The following TAFA1 variants were observed in gnomAD, a reference collection of about 807,000 sequenced individuals.
The protein encoded by TAFA1 is TAFA chemokine like family member 1.
Under a neutral mutation model 18.5 loss-of-function variants are expected in TAFA1, and 4 were observed. The observed-to-expected ratio is 0.22, with a 90% CI of 0.11 to 0.49. The LOEUF (loss-of-function observed/expected upper bound fraction) is 0.49, where lower values mean the gene tolerates loss of function less well. Among genes scored for constraint, TAFA1 ranks in the 20% least tolerant of loss-of-function variants. The pLI is 0.98. For missense variants in TAFA1, 147 were observed against 169.0 expected, an observed-to-expected ratio of 0.87 and a Z score of 0.72; for synonymous variants, 56 against 55.2, an observed-to-expected ratio of 1.01 and a Z score of -0.06.
At chr3:68,184,403 T>C (rs955879397) in intron 2 of TAFA1, among the ~76,000 whole-genome samples, 3 of 152,128 alleles carry the variant, frequency 2.0e-5, no homozygotes, top group Admixed American at 1.3e-4. Context: ...TTGGAAACAC[T>C]GTGGCTAGAA....
At chr3:68,472,338 G>T (rs1385014799) in intron 3 of TAFA1, among the ~76,000 whole-genome samples, 1 of 152,154 alleles carries the variant, frequency 6.6e-6, no homozygotes, top group Non-Finnish European at 1.5e-5. Flanking sequence ...CTTCAGCCAT[G>T]ATTGTGAGGC....
At chr3:68,491,067 A>G (rs13068529) in intron 3 of TAFA1, among the ~76,000 whole-genome samples, 29,418 of 151,998 alleles carry the variant, frequency 0.19, 2,972 homozygotes, top group Non-Finnish European at 0.21. Context: ...TTAAACTCCC[A>G]GGCTCAAGCG....
At chr3:68,505,242 T>G (rs2072726945) in intron 3 of TAFA1, among the ~76,000 whole-genome samples, 1 of 152,266 alleles carries the variant, frequency 6.6e-6, no homozygotes, top group African/African-American at 2.4e-5. Flanking sequence ...TACAAACTAC[T>G]GTCCTGGGAA....
intron 2 of TAFA1, among the ~76,000 whole-genome samples, chr3:68,366,828 A>G (rs767985046): frequency 9.2e-5 from 14 of 152,218 alleles, no homozygotes; most frequent in Non-Finnish European, 1.6e-4. Flanking sequence ...CAATAAACAG[A>G]ACTCACATTT....
chr3:68,148,276 G>A (rs569125374), intron 2 of TAFA1, among the ~76,000 whole-genome samples: 1 of 152,222 alleles, frequency 6.6e-6, no homozygotes, highest in South Asian at 2.1e-4. Context: ...TGAACTATTT[G>A]ACGTAGCATA....
intron 2 of TAFA1, among the ~76,000 whole-genome samples, chr3:68,173,504 C>A (rs1261251226): frequency 6.6e-6 from 1 of 152,134 alleles, no homozygotes; most frequent in Non-Finnish European, 1.5e-5. Flanking sequence ...GCCACACATA[C>A]ACGAATTGGA....
intron 2 of TAFA1, among the ~76,000 whole-genome samples, chr3:68,287,369 G>C (rs2068028449): frequency 6.6e-6 from 1 of 152,176 alleles, no homozygotes. Flanking sequence ...AATGTCAGCT[G>C]TTCTGCTCTG....
chr3:68,059,270 GCA>G (rs71902636), intron 2 of TAFA1, among the ~76,000 whole-genome samples: 3,633 of 149,688 alleles, frequency 0.024, 47 homozygotes, highest in Middle Eastern at 0.038. Flanking sequence ...ACACACGCAT[GCA>G]CACACACACA....
At chr3:68,130,656 A>T (rs1307175400) in intron 2 of TAFA1, among the ~76,000 whole-genome samples, 1 of 152,098 alleles carries the variant, frequency 6.6e-6, no homozygotes, top group African/African-American at 2.4e-5. Context: ...CCACTTCTCC[A>T]ACTTTTTTCT....
At chr3:68,289,726 G>C (rs937415125) in intron 2 of TAFA1, among the ~76,000 whole-genome samples, 1 of 152,174 alleles carries the variant, frequency 6.6e-6, no homozygotes, top group Non-Finnish European at 1.5e-5. Context: ...CAGATGAATA[G>C]AATGAGGAAT....
intron 2 of TAFA1, among the ~76,000 whole-genome samples, chr3:68,040,267 C>G (rs1026209339): frequency 1.3e-5 from 2 of 152,270 alleles, no homozygotes; most frequent in African/African-American, 2.4e-5. Context: ...CTCCATCGTT[C>G]AGTCACTTGA....
chr3:68,213,595 A>G (rs1005959346), intron 2 of TAFA1, among the ~76,000 whole-genome samples: 1 of 152,064 alleles, frequency 6.6e-6, no homozygotes, highest in African/African-American at 2.4e-5. Flanking sequence ...AAGATATTAG[A>G]TCTTCGGAGA....
intron 2 of TAFA1, among the ~76,000 whole-genome samples, chr3:68,031,857 T>C (rs1432594832): frequency 1.3e-5 from 2 of 152,188 alleles, no homozygotes; most frequent in Non-Finnish European, 2.9e-5. Context: ...ATCTAGATAT[T>C]GCTTGAATCA....
intron 3 of TAFA1, among the ~76,000 whole-genome samples, chr3:68,460,812 T>G (rs1162166675): frequency 6.6e-6 from 1 of 152,242 alleles, no homozygotes; most frequent in African/African-American, 2.4e-5. Context: ...CAGGTGATGC[T>G]GATGCTGCTA....
chr3:68,360,483 G>A (rs1029145582), intron 2 of TAFA1, among the ~76,000 whole-genome samples: 20 of 151,864 alleles, frequency 1.3e-4, no homozygotes, highest in Non-Finnish European at 2.8e-4. Context: ...TAGAGACAAA[G>A]GAATGATGAG....
At chr3:67,999,766 G>A (rs1704264015), upstream of TAFA1, among the ~76,000 whole-genome samples, 1 of 151,480 alleles carries the variant, frequency 6.6e-6, no homozygotes, top group Non-Finnish European at 1.5e-5. Flanking sequence ...GCTAACACAG[G>A]ACAAGGTGGT....
At chr3:68,358,172 C>T (rs532967936) in intron 2 of TAFA1, among the ~76,000 whole-genome samples, 5 of 151,942 alleles carry the variant, frequency 3.3e-5, no homozygotes, top group Admixed American at 2.6e-4. Flanking sequence ...TATTTTCAGA[C>T]ATTTTTCTAT....
At chr3:68,071,438 G>A (rs1043942284) in intron 2 of TAFA1, among the ~76,000 whole-genome samples, 1 of 152,066 alleles carries the variant, frequency 6.6e-6, no homozygotes, top group African/African-American at 2.4e-5. Flanking sequence ...GATTTGGGTG[G>A]GGACACAGCC....
At chr3:68,113,825 T>C (rs969964995) in intron 2 of TAFA1, among the ~76,000 whole-genome samples, 6 of 151,836 alleles carry the variant, frequency 4.0e-5, no homozygotes, top group African/African-American at 9.7e-5. Context: ...AGGTAGAGTC[T>C]TGTGTAATTT....
Sources: gnomAD v4.1 joint callset for allele counts (sites outside exome capture counted in the v4.1 genomes callset) on GRCh38, gnomAD v4.1.1 for gene constraint, MANE v1.5 for transcripts, NCBI Gene and HGNC (gene_info 2026-07-23, HGNC 2026-07-21) for gene names.